Variants in GRID2 observed in about 807,000 individuals in gnomAD.
GRID2 encodes the protein glutamate receptor ionotropic, delta-2.
A neutral mutation model predicts 114.8 loss-of-function variants in GRID2; 33 were observed. The observed-to-expected ratio is 0.29, with a 90% CI of 0.22 to 0.38. The LOEUF (loss-of-function observed/expected upper bound fraction) is 0.38, where lower values mean the gene tolerates loss of function less well. GRID2 is among the 10% of genes least tolerant of loss of function. The pLI, the probability that GRID2 is intolerant of heterozygous loss-of-function variation, is 1.00. For synonymous variants in GRID2, 505 were observed against 449.9 expected, an observed-to-expected ratio of 1.12 and a Z score of -1.55; for missense variants, 1,184 against 1,257.7, an observed-to-expected ratio of 0.94 and a Z score of 0.89.
chr4:92,822,147 TC>T, intron 2 of GRID2: 1 of 358,216 alleles, frequency 2.8e-6, no homozygotes, highest in Non-Finnish European at 5.4e-6. Flanking sequence ...GCCTTCTAAG[TC>T]CCAGATCTTG....
chr4:93,217,014 C>T, intron 6 of GRID2, 103 bp downstream of exon 6: 1 of 712,506 alleles, frequency 1.4e-6, no homozygotes, highest in South Asian at 2.0e-5. Context: ...CGTGTTATTT[C>T]TGAACAATTC....
At chr4:92,426,477 C>G (rs2110333143) in intron 1 of GRID2, among the ~76,000 whole-genome samples, 1 of 152,170 alleles carries the variant, frequency 6.6e-6, no homozygotes, top group East Asian at 1.9e-4. Flanking sequence ...TAAATGACAG[C>G]AGCAATCAGT....
chr4:92,473,874 T>C (rs1722160510), intron 1 of GRID2, among the ~76,000 whole-genome samples: 1 of 151,926 alleles, frequency 6.6e-6, no homozygotes, highest in Non-Finnish European at 1.5e-5. Context: ...ATTTAAGGTC[T>C]ACAATGTGAT....
chr4:92,488,800 A>T (rs1723012780), intron 1 of GRID2, among the ~76,000 whole-genome samples: 1 of 152,188 alleles, frequency 6.6e-6, no homozygotes, highest in South Asian at 2.1e-4. Context: ...AAAGACCAGG[A>T]AACTCCCATC....
At chr4:92,577,343 G>A (rs1389556045) in intron 1 of GRID2, among the ~76,000 whole-genome samples, 1 of 152,178 alleles carries the variant, frequency 6.6e-6, no homozygotes, top group East Asian at 1.9e-4. Context: ...TAAACATTAG[G>A]ATTAAGAAAA....
chr4:93,590,586 C>A (rs1044779703), intron 13 of GRID2, among the ~76,000 whole-genome samples: 18 of 151,922 alleles, frequency 1.2e-4, no homozygotes, highest in African/African-American at 4.4e-4. Context: ...TTCCAATTCT[C>A]TGAAGAAAGG....
At chr4:92,323,234 A>G (rs1343453108) in intron 1 of GRID2, among the ~76,000 whole-genome samples, 2 of 152,160 alleles carry the variant, frequency 1.3e-5, no homozygotes, top group African/African-American at 4.8e-5. Flanking sequence ...ATAAAGTAAC[A>G]ATGACTTCAA....
At chr4:92,924,618 C>A (rs1045253323) in intron 2 of GRID2, among the ~76,000 whole-genome samples, 1 of 152,130 alleles carries the variant, frequency 6.6e-6, no homozygotes, top group African/African-American at 2.4e-5. Context: ...CCATGCCATG[C>A]TGTTGCATGA....
chr4:93,264,459 A>G (rs1201106403), intron 8 of GRID2, among the ~76,000 whole-genome samples: 1 of 151,950 alleles, frequency 6.6e-6, no homozygotes, highest in Non-Finnish European at 1.5e-5. Context: ...GTTTCAATGT[A>G]AGCTTTCCAG....
intron 2 of GRID2, among the ~76,000 whole-genome samples, chr4:92,642,458 C>T (rs1226755738): frequency 6.6e-6 from 1 of 151,718 alleles, no homozygotes; most frequent in Non-Finnish European, 1.5e-5. Context: ...TGTTGATGTC[C>T]TTTTCCCATT....
Position 93,407,787 on chromosome 4 carries a change from GTCCTCCTCC to G in GRID2, c.1347+12082_1347+12090del, listed in dbSNP as rs1252178491. Among the ~76,000 whole-genome samples the G allele has an allele frequency of 5.3e-4, 15 of 28,380 alleles. No homozygotes were observed. The Admixed American group carries it at 6.9e-3, about 13-fold the overall frequency. 18.6% of individuals were successfully genotyped at this position (28,380 alleles called of 152,430 possible). ...CCTCCTCCTCCTCCTCATCCTCCTCGTCCTCCTCCTCGTCCTCCTCCTCTTCCTCCTCCT... is the reference window on the plus strand; with the variant it reads ...CCTCCTCCTCCTCCTCATCCTCCTCGTCGTCCTCCTCCTCTTCCTCCTCCT... On this transcript the variant is annotated intron_variant, in intron 9 of 15. Coordinates refer to ENST00000282020, the MANE Select transcript of GRID2 (RefSeq NM_001510.4).
At chr4:92,857,867 T>G (rs551248276) in intron 2 of GRID2, among the ~76,000 whole-genome samples, 2 of 152,338 alleles carry the variant, frequency 1.3e-5, no homozygotes, top group African/African-American at 4.8e-5. Flanking sequence ...TCTCTTGTTA[T>G]GGGCTAATGA....
chr4:93,254,220 T>A (rs1371340957), intron 8 of GRID2, among the ~76,000 whole-genome samples: 3 of 152,050 alleles, frequency 2.0e-5, no homozygotes, highest in Non-Finnish European at 4.4e-5. Context: ...TAAATACACT[T>A]TTCAGGGTTA....
intron 13 of GRID2, among the ~76,000 whole-genome samples, chr4:93,596,057 G>A (rs1028851209): frequency 6.6e-6 from 1 of 152,124 alleles, no homozygotes; most frequent in African/African-American, 2.4e-5. Context: ...GCAGAACTGG[G>A]TTCGAAATGA....
chr4:93,629,508 A>G (rs879901091), intron 14 of GRID2, among the ~76,000 whole-genome samples: 2 of 152,326 alleles, frequency 1.3e-5, no homozygotes, highest in South Asian at 2.1e-4. Context: ...TTTTATAGCC[A>G]TAAGGAAAAA....
rs1229636361 is a variant in GRID2 at position 93,473,809 on chromosome 4, T to A, written c.1859-16830T>A. ...ATTTTTTGAATAGCAGCTTGAATTT[T>A]CAAATATTGTAAGAGTCTCTTGTGT... On this transcript the variant is annotated intron_variant, in intron 11 of 15. Coordinates refer to ENST00000282020, the MANE Select transcript of GRID2 (RefSeq NM_001510.4). Among the ~76,000 whole-genome samples the A allele has an allele frequency of 2.0e-5, 3 of 152,140 alleles. No homozygotes were observed. In the East Asian group the frequency reaches 5.8e-4, roughly 29 times the overall value.
intron 4 of GRID2, among the ~76,000 whole-genome samples, chr4:93,133,112 A>G (rs1386302177): frequency 6.6e-6 from 1 of 152,196 alleles, no homozygotes; most frequent in Non-Finnish European, 1.5e-5. Context: ...TCCATCAACT[A>G]TAGCTTTTCC....
intron 2 of GRID2, among the ~76,000 whole-genome samples, chr4:92,970,664 G>T (rs1018211824): frequency 6.6e-6 from 1 of 151,880 alleles, no homozygotes; most frequent in African/African-American, 2.4e-5. Flanking sequence ...GAAATAGTGA[G>T]AAACTGTGTT....
intron 11 of GRID2, among the ~76,000 whole-genome samples, chr4:93,470,512 G>A (rs369103399): frequency 6.6e-6 from 1 of 152,166 alleles, no homozygotes; most frequent in East Asian, 1.9e-4. Context: ...TATCAACTAA[G>A]AAAATTAAAA....
Sources: allele counts gnomAD v4.1 joint callset (sites outside exome capture counted in the v4.1 genomes callset), GRCh38; gene constraint gnomAD v4.1.1; transcripts MANE v1.5; gene names NCBI Gene and HGNC (gene_info 2026-07-23, HGNC 2026-07-21).